Variants in PEDS1 observed in about 807,000 individuals in gnomAD.
The protein encoded by PEDS1 is CarF homolog.
PEDS1 carries 14 observed loss-of-function variants against 35.2 expected under a neutral mutation model. The ratio of observed to expected loss-of-function variants is 0.40; its 90% CI spans 0.26 to 0.62. PEDS1 has a LOEUF of 0.62. Among genes scored for constraint, PEDS1 ranks in the 20% least tolerant of loss-of-function variants. The probability of loss-of-function intolerance (pLI) is 0.44; values close to 1 mark genes in which losing one functional copy is unlikely to be tolerated. For synonymous variants in PEDS1, 152 were observed against 152.0 expected (o/e 1.00, Z 0.00); for missense variants, 260 against 367.8 (o/e 0.71, Z 2.40).
intron 1 of PEDS1, among the ~76,000 whole-genome samples, chr20:50,151,863 CAAATA>C (rs1306902195): frequency 1.8e-3 from 279 of 152,096 alleles, no homozygotes; most frequent in African/African-American, 6.4e-3. Flanking sequence ...CATCTCAAAA[CAAATA>C]AAACAAAACA....
chr20:50,146,981 C>T (rs975517136), intron 1 of PEDS1, among the ~76,000 whole-genome samples: 3 of 152,098 alleles, frequency 2.0e-5, no homozygotes, highest in African/African-American at 4.8e-5. Flanking sequence ...CAGAAAACCC[C>T]GAGTGGGTGG....
intron 1 of PEDS1, among the ~76,000 whole-genome samples, chr20:50,149,078 A>T (rs1464780260): frequency 1.3e-5 from 2 of 152,104 alleles, no homozygotes; most frequent in Non-Finnish European, 1.5e-5. Flanking sequence ...GCTCCATCAC[A>T]CTCCAGCCTA....
chr20:50,143,577 G>A lies in PEDS1; in HGVS notation c.166C>T (p.Leu56Phe). Residue 56 changes from leucine (L) to phenylalanine (F), a missense_variant, in exon 2 of 6, where the codon CTC becomes TTC. Transcript: ENST00000371652. Reference protein sequence around the residue: ...EWCSVILCFSLIAHNLVHLLL... With the variant: ...EWCSVILCFSFIAHNLVHLLL... ...AGATGGACCAGGTTGTGGGCGATGA[G>A]GCTGAAGCACAGGATCACAGAGCAC... 6.2e-7 allele frequency: 1 copy of A among 1,614,064 alleles called. No individual in the cohort carries two copies. Among genetic ancestry groups the A allele is most frequent in the East Asian group, 2.2e-5 (1 of 44,884 alleles).
At position 50,121,237 on chromosome 20, in the gene PEDS1, C is replaced by G. The variant is rs2081048455; in HGVS notation, c.*3821G>C. On this transcript the variant is annotated 3_prime_UTR_variant, in exon 6 of 6. Coordinates refer to ENST00000371652, the MANE Select transcript of PEDS1 (RefSeq NM_199129.4). ...GTCTCCAGGTCATCCCAGTCCCCAG[C>G]GTCAGCGGCCCTTTCTCAGGCATGC... 6.6e-6 allele frequency: 1 copy of G among 152,274 alleles called. No individual in the cohort carries two copies. The highest frequency in any genetic ancestry group is 2.1e-4 in the South Asian group (1 of 4,834). The allele number at this position is 152,274 out of a possible 1,614,324, so 9.4% of individuals were successfully genotyped here.
rs1329636863 is a variant in PEDS1, at chr20:50,125,052, G to C, written c.*6C>G. The stretch of plus-strand genomic sequence containing the variant: ...GGTTGGCAACCAGGTAGCAGGCTCG[G>C]AGAAGTTATTTGATCTTCTGGGCCC... On this transcript the variant is annotated 3_prime_UTR_variant, in exon 6 of 6. Coordinates refer to ENST00000371652, the MANE Select transcript of PEDS1 (RefSeq NM_199129.4). 12 of 1,613,444 alleles carry C rather than the reference G, an allele frequency of 7.4e-6. No homozygotes were observed. The highest frequency in any genetic ancestry group is 1.3e-5 in the African/African-American group (1 of 74,920).
chr20:50,129,748 A>G lies in PEDS1; in HGVS notation c.334-58T>C, dbSNP rs2081154367. On this transcript the variant is annotated intron_variant, in intron 3 of 5. Transcript: ENST00000371652. The surrounding 1 kb of genome is among the most constrained non-coding windows in gnomAD (Gnocchi z 4.2). ...AGCCTAAGGTGGTCAGCTGCTCTCC[A>G]CAGCCCCCTAAACACATTCACCCTG... 1.9e-6 allele frequency: 3 copies of G among 1,600,892 alleles called. No individual in the cohort carries two copies. The East Asian group carries it at 6.7e-5, about 36-fold the overall frequency.
chr20:50,148,751 G>A (rs2081371246), intron 1 of PEDS1, among the ~76,000 whole-genome samples: 1 of 152,112 alleles, frequency 6.6e-6, no homozygotes, highest in Admixed American at 6.6e-5. Flanking sequence ...AGAGAAGGTG[G>A]GGATGAGAGA....
chr20:50,120,089 G>T lies in PEDS1; in HGVS notation c.*4969C>A, dbSNP rs1343331663. 1 of 111,268 alleles carries T rather than the reference G, an allele frequency of 9.0e-6. No homozygotes were observed. Among genetic ancestry groups the T allele is most frequent in the African/African-American group, 3.8e-5 (1 of 26,162 alleles). 6.9% of individuals were successfully genotyped at this position (111,268 alleles called of 1,614,324 possible). On this transcript the variant is annotated 3_prime_UTR_variant, in exon 6 of 6. Coordinates refer to ENST00000371652, the MANE Select transcript of PEDS1 (RefSeq NM_199129.4). ...GAGACTACCCTGGGCAACATAGCGA[G>T]ACCCCATCTCTAAAAAAAAAAAAAA...
chr20:50,149,518 G>A (rs1476880602), intron 1 of PEDS1, among the ~76,000 whole-genome samples: 1 of 152,176 alleles, frequency 6.6e-6, no homozygotes, highest in Non-Finnish European at 1.5e-5. Context: ...CATGAGGTGG[G>A]CTGCTGCTGG....
rs1225338815 is a variant in PEDS1, at chr20:50,128,531, TC to T, written c.479-345del. Among the ~76,000 whole-genome samples, 1 of 152,166 alleles carries T rather than the reference TC, an allele frequency of 6.6e-6. No individual in the cohort carries two copies. Among genetic ancestry groups the T allele is most frequent in the East Asian group, 1.9e-4 (1 of 5,196 alleles). On this transcript the variant is annotated intron_variant, in intron 4 of 5. Coordinates refer to ENST00000371652, the MANE Select transcript of PEDS1 (RefSeq NM_199129.4). This position sits in a 1 kb window ranked among gnomAD's most constrained non-coding sequence, Gnocchi z 5.2. ...GACTCTGCCTCTAAGAAGCTTAATT[TC>T]CCCATCAGGAAAATGGGAATGATGC...
Position 50,153,703 on chromosome 20 carries a change from G to T in PEDS1, c.-66C>A. 2.6e-6 allele frequency: 3 copies of T among 1,169,464 alleles called. No homozygotes were observed. The highest frequency in any genetic ancestry group is 7.6e-5 in the East Asian group (2 of 26,202). 72.4% of individuals were successfully genotyped at this position (1,169,464 alleles called of 1,614,324 possible). A position where few individuals can be genotyped will look rare whatever the true frequency, so the allele number is the denominator to read the frequency against. On this transcript the variant is annotated 5_prime_UTR_variant, in exon 1 of 6. Transcript: ENST00000371652. ...GGCGGCGGCAGGGCCGCGGAACCGCGGCGAGATCACGCCGCCCAATGACCG... is the reference window on the plus strand; with the variant it reads ...GGCGGCGGCAGGGCCGCGGAACCGCTGCGAGATCACGCCGCCCAATGACCG...
rs553325520 is a variant in PEDS1, at chr20:50,153,678, G to T, written c.-41C>A. The T allele has an allele frequency of 4.7e-4, 569 of 1,207,324 alleles. 1 individual carries two copies. The African/African-American group carries it at 8.1e-3, about 17-fold the overall frequency. 74.8% of individuals were successfully genotyped at this position (1,207,324 alleles called of 1,614,324 possible). A position where few individuals can be genotyped will look rare whatever the true frequency, so the allele number is the denominator to read the frequency against. On this transcript the variant is annotated 5_prime_UTR_variant, in exon 1 of 6. Transcript: ENST00000371652. ...CGGCCCGGTGCGCTCTGCTGGCGGC[G>T]GCGGCGGCAGGGCCGCGGAACCGCG...
intron 2 of PEDS1, 43 bp downstream of exon 2, chr20:50,143,459 C>A (rs1470127120): frequency 1.9e-5 from 30 of 1,577,460 alleles, no homozygotes; most frequent in Non-Finnish European, 2.5e-5. Flanking sequence ...GGTCCCTGGC[C>A]CCTAGGGAAG....
At chr20:50,143,444 C>A in intron 2 of PEDS1, 58 bp downstream of exon 2, 3 of 1,563,606 alleles carry the variant, frequency 1.9e-6, no homozygotes, top group South Asian at 1.2e-5. Flanking sequence ...GCCAGTTACC[C>A]GGTGGGTCCC....
chr20:50,125,221 A>G, intron 5 of PEDS1, 42 bp from the exon 6 acceptor site: 1 of 1,606,384 alleles, frequency 6.2e-7, no homozygotes, highest in Non-Finnish European at 8.5e-7. Flanking sequence ...GGGAGAGAGT[A>G]GTCAAGGGGA....
intron 1 of PEDS1, among the ~76,000 whole-genome samples, chr20:50,151,803 G>A (rs1196217033): frequency 6.6e-6 from 1 of 152,214 alleles, no homozygotes; most frequent in South Asian, 2.1e-4. Flanking sequence ...AGCTTGCAGT[G>A]AGCCGAGATC....
chr20:50,148,499 A>T (rs1257881796), intron 1 of PEDS1, among the ~76,000 whole-genome samples: 2 of 152,184 alleles, frequency 1.3e-5, no homozygotes, highest in African/African-American at 4.8e-5. Flanking sequence ...AGCAGTAGCC[A>T]CTTATTGGCC....
At chr20:50,126,152 A>G (rs1335983176) in intron 5 of PEDS1, among the ~76,000 whole-genome samples, 1 of 152,188 alleles carries the variant, frequency 6.6e-6, no homozygotes, top group Non-Finnish European at 1.5e-5. Flanking sequence ...AATGCAAAAC[A>G]CCATGTTCTT....
At chr20:50,142,128 G>A (rs908621654) in intron 2 of PEDS1, among the ~76,000 whole-genome samples, 1 of 152,204 alleles carries the variant, frequency 6.6e-6, no homozygotes, top group African/African-American at 2.4e-5. Context: ...TCCCTTCTCT[G>A]AGCCTCAGTT....
Sources: allele counts gnomAD v4.1 joint callset (sites outside exome capture counted in the v4.1 genomes callset), GRCh38; gene constraint gnomAD v4.1.1; non-coding constraint Gnocchi (gnomAD v3.1); transcripts MANE v1.5; gene names NCBI Gene and HGNC (gene_info 2026-07-23, HGNC 2026-07-21).